Variants in MEGF6 observed in about 807,000 individuals in gnomAD.
MEGF6 encodes multiple EGF like domains 6.
Under a neutral mutation model 207.1 loss-of-function variants are expected in MEGF6, and 184 were observed. The ratio of observed to expected loss-of-function variants is 0.89; its 90% CI spans 0.79 to 1.00. The LOEUF is 1.00. Ranked by LOEUF, MEGF6 falls within the 50% of genes least tolerant of loss-of-function variation. MEGF6 has a pLI of 0.00. For synonymous variants in MEGF6, 1,038 were observed against 910.0 expected (o/e 1.14, Z -2.53); for missense variants, 2,282 against 2,202.9 (o/e 1.04, Z -0.72).
chr1:3,570,308 C>T (rs1401711265), intron 4 of MEGF6, among the ~76,000 whole-genome samples: 1 of 152,244 alleles, frequency 6.6e-6, no homozygotes, highest in Non-Finnish European at 1.5e-5. Flanking sequence ...CTGCCCTGCC[C>T]GCTCAACCCA....
chr1:3,548,630 G>A (rs13374124), intron 4 of MEGF6, among the ~76,000 whole-genome samples: 3,111 of 152,334 alleles, frequency 0.02, 63 homozygotes, highest in African/African-American at 0.052. Context: ...TCTGGGACCT[G>A]TCCTGACACT....
chr1:3,496,767 C>A lies in MEGF6; in HGVS notation c.3630G>T (p.Arg1210=). ...PSCQQRCPPG[R]YGPGCEQLCG... ...ACAGCTGTTCACAGCCTGGCCCATA[C>A]CGCCCGGGCGGACATCCTGCAGGGA... The change falls in exon 29 of 37, where the codon CGG becomes CGT. Residue 1210 remains arginine (R), a synonymous_variant. Transcript: ENST00000356575. 1 of 1,558,468 alleles carries A rather than the reference C, an allele frequency of 6.4e-7. No individual in the cohort carries two copies. Among genetic ancestry groups the A allele is most frequent in the South Asian group, 1.2e-5 (1 of 84,800 alleles).
intron 4 of MEGF6, among the ~76,000 whole-genome samples, chr1:3,576,617 C>T (rs376250015): frequency 3.3e-4 from 50 of 152,108 alleles, no homozygotes; most frequent in African/African-American, 1.1e-3. Flanking sequence ...GCAGGGGCTA[C>T]ACCTGCAGGC....
Position 3,578,564 on chromosome 1 carries a change from G to A in MEGF6, c.481+1261C>T, listed in dbSNP as rs113470757. Among the ~76,000 whole-genome samples the A allele has an allele frequency of 2.3e-3, 352 of 151,316 alleles. 4 individuals are homozygous for A. The highest frequency in any genetic ancestry group is 6.9e-3 in the Middle Eastern group (2 of 288). ...GGGGGGGGGGCCCTTTCGTCCACAC[G>A]AGACAGACAGATCTCAGTCCATGGT... On this transcript the variant is annotated intron_variant, in intron 4 of 36. Transcript: ENST00000356575.
intron 10 of MEGF6, 99 bp from the exon 11 acceptor site, chr1:3,510,091 GGCCCTGCCA>G: frequency 6.9e-7 from 1 of 1,448,934 alleles, no homozygotes; most frequent in Non-Finnish European, 9.2e-7. Context: ...AAGCCCTGGT[GGCCCTGCCA>G]GAGCTGAGTA....
At chr1:3,564,324 C>A (rs1488736817) in intron 4 of MEGF6, among the ~76,000 whole-genome samples, 1 of 151,282 alleles carries the variant, frequency 6.6e-6, no homozygotes, top group Non-Finnish European at 1.5e-5. Flanking sequence ...TTAACCTCAT[C>A]TTGTAACTGC....
At chr1:3,574,360 T>C (rs1310019687) in intron 4 of MEGF6, among the ~76,000 whole-genome samples, 1 of 152,158 alleles carries the variant, frequency 6.6e-6, no homozygotes, top group Non-Finnish European at 1.5e-5. Context: ...CCTCTGCTCC[T>C]GTCTCTGTCC....
rs563709994 is a variant in MEGF6 at position 3,579,139 on chromosome 1, A to G, written c.481+686T>C. Among the ~76,000 whole-genome samples, 10 of 152,362 alleles carry G rather than the reference A, an allele frequency of 6.6e-5. No homozygotes were observed. The South Asian group carries it at 1.9e-3, about 28-fold the overall frequency. ...GCCGTGGCTCAGGCTGTCTGAGGCCAGGATGAAGAAACCCGGGACAGAGCA... is the reference window on the plus strand; with the variant it reads ...GCCGTGGCTCAGGCTGTCTGAGGCCGGGATGAAGAAACCCGGGACAGAGCA... On this transcript the variant is annotated intron_variant, in intron 4 of 36. Transcript: ENST00000356575.
intron 1 of MEGF6, among the ~76,000 whole-genome samples, chr1:3,607,338 G>A (rs755409764): frequency 1.3e-5 from 2 of 151,994 alleles, no homozygotes; most frequent in African/African-American, 4.8e-5. Context: ...TCCCCTTCAC[G>A]GCTCTCCCCA....
At position 3,560,305 on chromosome 1, in the gene MEGF6, C is replaced by A. The variant is rs1461392070; in HGVS notation, c.481+19520G>T. Among the ~76,000 whole-genome samples the A allele has an allele frequency of 1.3e-5, 2 of 152,222 alleles. No homozygotes were observed. The highest frequency in any genetic ancestry group is 4.8e-5 in the African/African-American group (2 of 41,458). ...TACAGCGGACGAGCCCACGTTGACA[C>A]ATTGTTGTTAACTGAGTCCAGGGTT... On this transcript the variant is annotated intron_variant, in intron 4 of 36. Coordinates refer to ENST00000356575, the MANE Select transcript of MEGF6 (RefSeq NM_001409.4). The surrounding 1 kb of genome is among the most constrained non-coding windows in gnomAD (Gnocchi z 4.0).
chr1:3,599,488 G>A (rs747088540), intron 2 of MEGF6, among the ~76,000 whole-genome samples: 5 of 152,350 alleles, frequency 3.3e-5, no homozygotes, highest in Admixed American at 2.6e-4. Context: ...CCAAGCCCTC[G>A]GGGACACTGT....
rs1641467425 is a variant in MEGF6, at chr1:3,514,530, G to C, written c.853+20C>G. 2 of 1,582,420 alleles carry C rather than the reference G, an allele frequency of 1.3e-6. No homozygotes were observed. The highest frequency in any genetic ancestry group is 1.1e-5 in the South Asian group (1 of 87,724). On this transcript the variant is annotated intron_variant, in intron 7 of 36. Coordinates refer to ENST00000356575, the MANE Select transcript of MEGF6 (RefSeq NM_001409.4). ...GCTTTCTGACCCTGGGCGGGGCGGA[G>C]CAGGGGAGGGGCGTCCTACCTTCAC... is the stretch of plus-strand genomic sequence containing the variant.
intron 4 of MEGF6, among the ~76,000 whole-genome samples, chr1:3,543,105 G>T (rs1642581408): frequency 6.6e-6 from 1 of 152,220 alleles, no homozygotes; most frequent in Non-Finnish European, 1.5e-5. Flanking sequence ...GCAGAGCAGA[G>T]CTCAGCTCCT....
In MEGF6 at chr1:3,511,008, T is replaced by C. The variant is rs1034653415; in HGVS notation, c.1115-106A>G. 2.7e-6 allele frequency: 4 copies of C among 1,464,118 alleles called. No homozygotes were observed. In the African/African-American group the frequency reaches 4.2e-5, roughly 15 times the overall value. 90.7% of individuals were successfully genotyped at this position (1,464,118 alleles called of 1,614,324 possible). On this transcript the variant is annotated intron_variant, in intron 9 of 36. Coordinates refer to ENST00000356575, the MANE Select transcript of MEGF6 (RefSeq NM_001409.4). ...ACCACACACAACCCACGCGCCCGAC[T>C]GCACCTGCAGCTGCCCACAGCCTCA...
At chr1:3,551,651 G>C (rs1034039720) in intron 4 of MEGF6, among the ~76,000 whole-genome samples, 1 of 152,104 alleles carries the variant, frequency 6.6e-6, no homozygotes, top group Non-Finnish European at 1.5e-5. Flanking sequence ...AGCCACAGGG[G>C]ACAGGAGACA....
At chr1:3,533,428 G>A (rs778222641) in intron 4 of MEGF6, among the ~76,000 whole-genome samples, 18 of 152,220 alleles carry the variant, frequency 1.2e-4, no homozygotes, top group Admixed American at 2.0e-4. Context: ...CACCTTCCAC[G>A]CAGGGCAACA....
chr1:3,527,949 C>T (rs1028383750), intron 4 of MEGF6, among the ~76,000 whole-genome samples: 3 of 152,240 alleles, frequency 2.0e-5, no homozygotes, highest in East Asian at 1.9e-4. Context: ...AGGCCCAGGT[C>T]GGCTAGGCCA....
intron 5 of MEGF6, among the ~76,000 whole-genome samples, chr1:3,521,864 G>A (rs1039614861): frequency 2.0e-5 from 3 of 152,214 alleles, no homozygotes; most frequent in African/African-American, 7.2e-5. Context: ...TGCCAGGAAG[G>A]GGGTCTGGAT....
intron 4 of MEGF6, among the ~76,000 whole-genome samples, chr1:3,563,664 G>A (rs553622877): frequency 1.5e-4 from 23 of 152,366 alleles, no homozygotes; most frequent in Middle Eastern, 3.4e-3. Flanking sequence ...GTTTTCTGCA[G>A]AGTCCCCCTC....
Sources: gnomAD v4.1 joint callset for allele counts (sites outside exome capture counted in the v4.1 genomes callset) on GRCh38, gnomAD v4.1.1 for gene constraint, Gnocchi (gnomAD v3.1) non-coding constraint, MANE v1.5 for transcripts, NCBI Gene and HGNC (gene_info 2026-07-23, HGNC 2026-07-21) for gene names.